The following CCDC116 variants were observed in gnomAD, a reference collection of about 807,000 sequenced individuals.
CCDC116 encodes the protein coiled-coil domain containing 116.
Under a neutral mutation model 29.4 loss-of-function variants are expected in CCDC116, and 24 were observed. The ratio of observed to expected loss-of-function variants is 0.82; its 90% CI spans 0.59 to 1.15. The LOEUF (loss-of-function observed/expected upper bound fraction) is 1.15. Ranked by LOEUF, CCDC116 falls within the 50% of genes most tolerant of loss-of-function variation. The probability of loss-of-function intolerance (pLI) is 0.00; values close to 1 mark genes in which losing one functional copy is unlikely to be tolerated. For synonymous variants in CCDC116, 298 were observed against 331.4 expected, an observed-to-expected ratio of 0.90 and a Z score of 1.10; for missense variants, 791 against 804.0, an observed-to-expected ratio of 0.98 and a Z score of 0.20.
rs567090339 is a variant in CCDC116, at chr22:21,634,940, C to A, written c.877C>A (p.Pro293Thr). The change falls in exon 4 of 5, where the codon CCG (proline) becomes ACG (threonine). Residue 293 changes from proline (P) to threonine (T), a missense_variant. Coordinates refer to ENST00000292779, the MANE Select transcript of CCDC116 (RefSeq NM_152612.3). ...GTCCCTCGACCTGCCTGGCTACTGT[C>A]CGCTCCGTGAGCCCCATCGCACGCT... ...LESLDLPGYCPLREPHRTLNF... is the reference protein window; with the variant it reads ...LESLDLPGYCTLREPHRTLNF... The A allele has an allele frequency of 6.2e-7, 1 of 1,613,824 alleles. No individual in the cohort carries two copies. Among genetic ancestry groups the A allele is most frequent in the East Asian group, 2.2e-5 (1 of 44,874 alleles).
rs11705259 is a variant in CCDC116, at chr22:21,636,534, G to A, written c.1306G>A (p.Ala436Thr). The A allele has an allele frequency of 0.027, 43,523 of 1,613,940 alleles. 1,236 individuals are homozygous for A. Among genetic ancestry groups the A allele is most frequent in the East Asian group, 0.097 (4,369 of 44,844 alleles). The change falls in exon 5 of 5, where the codon GCC becomes ACC. Residue 436 changes from alanine (A) to threonine (T), a missense_variant. Physicochemically the swap from Ala to Thr is moderately conservative, Grantham distance 58 (BLOSUM62 0). Transcript: ENST00000292779. ...HFSNRLYEEL[A>T]DFLTQQAASL... is the part of the protein sequence containing the mutation. Reference sequence around the variant, plus strand: ...CTCCAACCGCCTTTATGAGGAGCTCGCCGACTTCCTGACCCAGCAGGCAGC... The same window carrying A: ...CTCCAACCGCCTTTATGAGGAGCTCACCGACTTCCTGACCCAGCAGGCAGC...
In CCDC116 at chr22:21,636,977, T is replaced by G; in HGVS notation, c.1749T>G (p.Asn583Lys). 1.9e-6 allele frequency: 3 copies of G among 1,613,626 alleles called. No homozygotes were observed. Among genetic ancestry groups the G allele is most frequent in the Non-Finnish European group, 2.5e-6 (3 of 1,180,020 alleles). ...CCCCCAAGTCCAAGGACATGGACAA[T>G]GAGGGCCGTGATAAAGCCGAGATTG... is the stretch of plus-strand genomic sequence containing the variant. ...SSPPKSKDMD[N>K]EGRDKAEIED... Residue 583 changes from asparagine (N) to lysine (K), a missense_variant, in exon 5 of 5, where the codon AAT (asparagine) becomes AAG (lysine). Transcript: ENST00000292779.
Position 21,635,477 on chromosome 22 carries a change from A to G in CCDC116, c.1203+211A>G, listed in dbSNP as rs1007924056. ...CCAGGGCCACCTCAGGGGCCCTGTC[A>G]CACCTCCACTTTCCTCCCCCTACCC... On this transcript the variant is annotated intron_variant, in intron 4 of 4. Transcript: ENST00000292779. 20 of 703,440 alleles carry G rather than the reference A, an allele frequency of 2.8e-5. No individual in the cohort carries two copies. The African/African-American group carries it at 3.5e-4, about 12-fold the overall frequency. 43.6% of individuals were successfully genotyped at this position (703,440 alleles called of 1,614,324 possible).
intron 4 of CCDC116, 80 bp from the exon 5 acceptor site, chr22:21,636,352 A>T: frequency 7.4e-7 from 1 of 1,345,144 alleles, no homozygotes; most frequent in Non-Finnish European, 1.0e-6. Flanking sequence ...AGGAGGGCAC[A>T]GTGGCTGGAA....
rs755911617 is a variant in CCDC116, at chr22:21,636,469, C to T, written c.1241C>T (p.Pro414Leu). Residue 414 changes from proline (P) to leucine (L), a missense_variant, in exon 5 of 5, where the codon CCG becomes CTG. Physicochemically the swap from Pro to Leu is moderately conservative, Grantham distance 98 (BLOSUM62 -3). Coordinates refer to ENST00000292779, the MANE Select transcript of CCDC116 (RefSeq NM_152612.3). The stretch of plus-strand genomic sequence containing the variant: ...AGCAGCAGGTTCACGAAGAAGAAGC[C>T]GCTGCCCTCCATCTCGTCGAAGTCC... ...CSSSRFTKKK[P>L]LPSISSKSSM... The T allele has an allele frequency of 5.5e-5, 88 of 1,613,664 alleles. No homozygotes were observed. Among genetic ancestry groups the T allele is most frequent in the Middle Eastern group, 1.7e-4 (1 of 6,060 alleles).
Position 21,634,510 on chromosome 22 carries a change from G to A in CCDC116, c.561G>A (p.Val187=). The change falls in exon 3 of 5, where the codon GTG becomes GTA. Residue 187 remains valine (V), a synonymous_variant. Coordinates refer to ENST00000292779, the MANE Select transcript of CCDC116 (RefSeq NM_152612.3). ...DLGAQGSLPP[V]RDKLLLEKNL... ...GTGCCCAAGGCTCATTGCCACCTGTGAGGGACAAACTCCTGCTGGAGAAGA... is the reference window on the plus strand; with the variant it reads ...GTGCCCAAGGCTCATTGCCACCTGTAAGGGACAAACTCCTGCTGGAGAAGA... The A allele has an allele frequency of 6.2e-7, 1 of 1,613,488 alleles. No homozygotes were observed.
Position 21,633,200 on chromosome 22 carries a change from C to A in CCDC116, c.19C>A (p.His7Asn), listed in dbSNP as rs1193908688. MARCRHHSGYLADDEAS... is the reference protein window; with the variant it reads MARCRHNSGYLADDEAS... Reference sequence around the variant, plus strand: ...TGACCACATGGCCAGGTGCCGCCACCACTCGGGTTACCTGGCCGATGACGA... The same window carrying A: ...TGACCACATGGCCAGGTGCCGCCACAACTCGGGTTACCTGGCCGATGACGA... Residue 7 changes from histidine (H) to asparagine (N), a missense_variant, in exon 2 of 5, where the codon CAC becomes AAC. By Grantham distance (68) the His-to-Asn change is moderately conservative. Transcript: ENST00000292779. The A allele has an allele frequency of 2.6e-6, 4 of 1,550,626 alleles. No homozygotes were observed. Among genetic ancestry groups the A allele is most frequent in the Non-Finnish European group, 2.6e-6 (3 of 1,146,994 alleles).
chr22:21,635,488 T>C (rs1362422787), intron 4 of CCDC116: 7 of 702,844 alleles, frequency 1.0e-5, no homozygotes, highest in South Asian at 8.9e-5. Flanking sequence ...CACCTCCACT[T>C]TCCTCCCCCT....
At chr22:21,633,038 G>A in intron 1 of CCDC116, 82 bp from the exon 2 acceptor site, 1 of 732,548 alleles carries the variant, frequency 1.4e-6, no homozygotes, top group Non-Finnish European at 2.5e-6. Context: ...CGGGGTGCGG[G>A]GAGCGAGGGA....
In CCDC116 at chr22:21,634,746, A is replaced by G. The variant is rs1568997863; in HGVS notation, c.683A>G (p.Gln228Arg). Residue 228 changes from glutamine to arginine, a missense_variant, in exon 4 of 5, where the codon CAG becomes CGG. Coordinates refer to ENST00000292779, the MANE Select transcript of CCDC116 (RefSeq NM_152612.3). ...CTGCTGTGGGATTCGCTGGGTAGCC[A>G]GACCAGCTTTCAGTGGACACAGGAG... is the stretch of plus-strand genomic sequence containing the variant. ...DSLLWDSLGSQTSFQWTQEQP... is the reference protein window; with the variant it reads ...DSLLWDSLGSRTSFQWTQEQP... 1 of 1,613,478 alleles carries G rather than the reference A, an allele frequency of 6.2e-7. No homozygotes were observed. Among genetic ancestry groups the G allele is most frequent in the East Asian group, 2.2e-5 (1 of 44,866 alleles).
Position 21,634,227 on chromosome 22 carries a change from C to T in CCDC116, c.278C>T (p.Ala93Val), listed in dbSNP as rs758808128. The change falls in exon 3 of 5, where the codon GCG (alanine) becomes GTG (valine). Residue 93 changes from alanine (A) to valine (V), a missense_variant. Ala to Val is a moderately conservative substitution (Grantham distance 64). Coordinates refer to ENST00000292779, the MANE Select transcript of CCDC116 (RefSeq NM_152612.3). ...LDSLETVVEK[A>V]TERMAAMKTE... ...AGCCTGGAGACAGTGGTGGAGAAGG[C>T]GACTGAGCGCATGGCTGCCATGAAG... 9 of 1,614,062 alleles carry T rather than the reference C, an allele frequency of 5.6e-6. No homozygotes were observed. Among genetic ancestry groups the T allele is most frequent in the East Asian group, 4.5e-5 (2 of 44,892 alleles).
In CCDC116 at chr22:21,633,114, A is replaced by T; in HGVS notation, c.-62-6A>T. 1 of 1,326,424 alleles carries T rather than the reference A, an allele frequency of 7.5e-7. No homozygotes were observed. Among genetic ancestry groups the T allele is most frequent in the Non-Finnish European group, 1.1e-6 (1 of 942,414 alleles). The allele number at this position is 1,326,424 out of a possible 1,614,324, so 82.2% of individuals were successfully genotyped here. On this transcript the variant is annotated splice_polypyrimidine_tract_variant and splice_region_variant and intron_variant, in intron 1 of 4. Transcript: ENST00000292779. Reference sequence around the variant, plus strand: ...GACCCTCAGGTTGTCTCCCCACCCCACGCAGAGAGGAATGCGCAGCTGAAG... The same window carrying T: ...GACCCTCAGGTTGTCTCCCCACCCCTCGCAGAGAGGAATGCGCAGCTGAAG...
intron 3 of CCDC116, 26 bp from the exon 4 acceptor site, chr22:21,634,659 T>C: frequency 6.3e-7 from 1 of 1,580,154 alleles, no homozygotes; most frequent in Non-Finnish European, 8.6e-7. Flanking sequence ...TCCTGAACAC[T>C]TCACAGAGTC....
chr22:21,637,313 G>A lies in CCDC116; in HGVS notation c.*243G>A, dbSNP rs2066041935. ...ATAAAGCCTGTGTTGCTGGGACACA[G>A]GTTTGCTGTCCTGAGATTTCAGCCG... On this transcript the variant is annotated 3_prime_UTR_variant, in exon 5 of 5. Coordinates refer to ENST00000292779, the MANE Select transcript of CCDC116 (RefSeq NM_152612.3). 1 of 407,280 alleles carries A rather than the reference G, an allele frequency of 2.5e-6. No individual in the cohort carries two copies. The highest frequency in any genetic ancestry group is 4.3e-6 in the Non-Finnish European group (1 of 233,170). 25.2% of individuals were successfully genotyped at this position (407,280 alleles called of 1,614,324 possible). A position where few individuals can be genotyped will look rare whatever the true frequency, so the allele number is the denominator to read the frequency against.
chr22:21,632,981 C>G, intron 1 of CCDC116, 139 bp from the exon 2 acceptor site: 2 of 705,750 alleles, frequency 2.8e-6, no homozygotes, highest in East Asian at 2.7e-5. Flanking sequence ...TGCCTGCAGA[C>G]GCATGGGGGC....
rs1601465661 is a variant in CCDC116, at chr22:21,636,877, T to G, written c.1649T>G (p.Leu550Trp). The G allele has an allele frequency of 6.2e-7, 1 of 1,613,578 alleles. No individual in the cohort carries two copies. The highest frequency in any genetic ancestry group is 1.3e-5 in the African/African-American group (1 of 75,016). ...CCCTGCCGCTCCCTCTACACCAACTTGCCAGCCAGCCGGCAGCTCAGCCCT... is the reference window on the plus strand; with the variant it reads ...CCCTGCCGCTCCCTCTACACCAACTGGCCAGCCAGCCGGCAGCTCAGCCCT... ...TEPCRSLYTN[L>W]PASRQLSPLE... is the part of the protein sequence containing the mutation. Residue 550 changes from leucine to tryptophan, a missense_variant, in exon 5 of 5, where the codon TTG becomes TGG. Physicochemically the swap from Leu to Trp is moderately conservative, Grantham distance 61. Transcript: ENST00000292779.
chr22:21,634,331 C>T lies in CCDC116; in HGVS notation c.382C>T (p.Pro128Ser). The T allele has an allele frequency of 6.2e-7, 1 of 1,612,414 alleles. No homozygotes were observed. The highest frequency in any genetic ancestry group is 8.5e-7 in the Non-Finnish European group (1 of 1,179,596). Residue 128 changes from proline to serine, a missense_variant, in exon 3 of 5, where the codon CCC becomes TCC. Physicochemically the swap from Pro to Ser is moderately conservative, Grantham distance 74. Transcript: ENST00000292779. Reference protein sequence around the residue: ...PSGGRRAHARPSLSTVHRHRV... With the variant: ...PSGGRRAHARSSLSTVHRHRV... ...TGGTGGACGGCGGGCACATGCCCGGCCCAGCCTCAGCACCGTACACCGGCA... is the reference window on the plus strand; with the variant it reads ...TGGTGGACGGCGGGCACATGCCCGGTCCAGCCTCAGCACCGTACACCGGCA...
chr22:21,636,707 C>T lies in CCDC116; in HGVS notation c.1479C>T (p.Thr493=), dbSNP rs1280034121. The change falls in exon 5 of 5, where the codon ACC becomes ACT. Residue 493 remains threonine, a synonymous_variant. Coordinates refer to ENST00000292779, the MANE Select transcript of CCDC116 (RefSeq NM_152612.3). ...CCCGCATCCACCTGTCCTCGGAGAC[C>T]CACCGGAGCTGCCTGCTGCGTAAAC... The part of the protein sequence containing the change: ...KGSRIHLSSE[T]HRSCLLRKLE... 6.2e-6 allele frequency: 10 copies of T among 1,613,492 alleles called. No individual in the cohort carries two copies. The highest frequency in any genetic ancestry group is 1.1e-5 in the South Asian group (1 of 91,086).
intron 4 of CCDC116, 86 bp downstream of exon 4, chr22:21,635,352 A>G: frequency 8.5e-7 from 1 of 1,175,298 alleles, no homozygotes; most frequent in Non-Finnish European, 1.2e-6. Flanking sequence ...AAATTACAAA[A>G]CCCACCTGTT....
Sources: allele counts gnomAD v4.1 joint callset, GRCh38; gene constraint gnomAD v4.1.1; transcripts MANE v1.5; gene names NCBI Gene and HGNC (gene_info 2026-07-23, HGNC 2026-07-21).